Variants in ABCD3 observed in about 807,000 individuals in gnomAD.
ABCD3 encodes ATP binding cassette subfamily D member 3.
ABCD3 carries 41 observed loss-of-function variants against 105.5 expected under a neutral mutation model. That is an observed-to-expected ratio of 0.39 (90% CI 0.30 to 0.50). The LOEUF is 0.50. Ranked by LOEUF, ABCD3 falls within the 20% of genes least tolerant of loss-of-function variation. The pLI is 0.84. For synonymous variants in ABCD3, 258 were observed against 269.0 expected, an observed-to-expected ratio of 0.96 and a Z score of 0.40; for missense variants, 622 against 806.3, an observed-to-expected ratio of 0.77 and a Z score of 2.77.
intron 9 of ABCD3, 39 bp downstream of exon 9, chr1:94,480,645 T>C (rs1648986005): frequency 6.2e-7 from 1 of 1,609,688 alleles, no homozygotes; most frequent in Admixed American, 1.7e-5. Flanking sequence ...AAAAATTAAT[T>C]TCTATGGATA....
upstream of ABCD3, among the ~76,000 whole-genome samples, chr1:94,416,225 A>G (rs1325062758): frequency 1.3e-5 from 2 of 152,146 alleles, no homozygotes; most frequent in Non-Finnish European, 2.9e-5. Context: ...TTATTACTGA[A>G]TTAGTAATTT....
chr1:94,485,621 A>C (rs1649242502), intron 10 of ABCD3, among the ~76,000 whole-genome samples: 1 of 152,146 alleles, frequency 6.6e-6, no homozygotes, highest in Admixed American at 6.6e-5. Flanking sequence ...GTCTTCTCTG[A>C]TCAGCCTATT....
At chr1:94,402,627 T>C in the ABCD3 span, among the ~76,000 whole-genome samples, 1 of 152,180 alleles carries the variant, frequency 6.6e-6, no homozygotes, top group African/African-American at 2.4e-5. Context: ...GACCCAATAA[T>C]GTCCTCAACA....
chr1:94,448,895 G>A (rs1660461452), intron 1 of ABCD3, among the ~76,000 whole-genome samples: 1 of 152,168 alleles, frequency 6.6e-6, no homozygotes, highest in Admixed American at 6.5e-5. Flanking sequence ...GGATAAACAG[G>A]GACTACGGGA....
the ABCD3 span, among the ~76,000 whole-genome samples, chr1:94,386,718 G>GTATT: frequency 2.0e-5 from 3 of 152,314 alleles, no homozygotes; most frequent in African/African-American, 7.2e-5. Context: ...AGTCAGTTGA[G>GTATT]TATTTGATGA....
chr1:94,431,513 AGTT>A (rs1659680889), intron 1 of ABCD3, among the ~76,000 whole-genome samples: 1 of 152,220 alleles, frequency 6.6e-6, no homozygotes, highest in African/African-American at 2.4e-5. Context: ...TGAAATTTCT[AGTT>A]CAAAAAAAAC....
intron 19 of ABCD3, 73 bp from the exon 20 acceptor site, chr1:94,499,422 T>TA: frequency 6.8e-7 from 1 of 1,466,124 alleles, no homozygotes; most frequent in Non-Finnish European, 9.5e-7. Context: ...GATTCCAGTT[T>TA]AAAAAATAAA....
chr1:94,440,782 G>T (rs376784951), intron 1 of ABCD3, among the ~76,000 whole-genome samples: 37 of 152,268 alleles, frequency 2.4e-4, no homozygotes, highest in African/African-American at 8.9e-4. Context: ...TGTATGTGTT[G>T]TCCATGGGTT....
At chr1:94,404,731 T>C in the ABCD3 span, among the ~76,000 whole-genome samples, 2 of 151,976 alleles carry the variant, frequency 1.3e-5, no homozygotes, top group African/African-American at 4.8e-5. Context: ...AATAAATATA[T>C]GTATATATCT....
chr1:94,413,133 A>C, the ABCD3 span, among the ~76,000 whole-genome samples: 17 of 152,218 alleles, frequency 1.1e-4, no homozygotes, highest in Admixed American at 9.8e-4. Flanking sequence ...GGTCTTCCCC[A>C]TGCCAAGATT....
intron 21 of ABCD3, among the ~76,000 whole-genome samples, chr1:94,509,432 A>G (rs1177208817): frequency 1.3e-5 from 2 of 152,154 alleles, no homozygotes; most frequent in Non-Finnish European, 2.9e-5. Context: ...CATCAAGGAT[A>G]TTGGTCTAAA....
chr1:94,513,954 C>T (rs1020955645), intron 21 of ABCD3: 3 of 152,010 alleles, frequency 2.0e-5, no homozygotes, highest in Non-Finnish European at 2.9e-5. Flanking sequence ...ACTTATTACA[C>T]ATTAGAAGTT....
chr1:94,507,070 A>C (rs976135826), intron 21 of ABCD3, among the ~76,000 whole-genome samples: 1 of 152,072 alleles, frequency 6.6e-6, no homozygotes, highest in Non-Finnish European at 1.5e-5. Context: ...TACATGTGCC[A>C]TGCTGGTGCG....
At chr1:94,400,055 G>C in the ABCD3 span, among the ~76,000 whole-genome samples, 1 of 152,102 alleles carries the variant, frequency 6.6e-6, no homozygotes, top group African/African-American at 2.4e-5. Flanking sequence ...TTTTCTTATG[G>C]AAGTTCTTGT....
At chr1:94,409,890 T>A in the ABCD3 span, among the ~76,000 whole-genome samples, 1 of 152,050 alleles carries the variant, frequency 6.6e-6, no homozygotes, top group Non-Finnish European at 1.5e-5. Flanking sequence ...CATAGCTGGG[T>A]TCAAGGCAAC....
rs1440854818 is a variant in ABCD3 at position 94,480,561 on chromosome 1, A to G, written c.782A>G (p.Tyr261Cys). Residue 261 changes from tyrosine (Y) to cysteine (C), a missense_variant, in exon 9 of 23, where the codon TAT becomes TGT. Physicochemically the swap from Tyr to Cys is radical, Grantham distance 194. This residue lies in a region of ABCD3 where 245 missense variants were observed against 356.4 expected (regional missense o/e 0.69). Coordinates refer to ENST00000370214, the MANE Select transcript of ABCD3 (RefSeq NM_002858.4). ...AAGATGACAATAACTGAGCAAAAGT[A>G]TGAAGGAGAATATAGATATGTTAAT... ...IGKMTITEQK[Y>C]EGEYRYVNSR... is the part of the protein sequence containing the mutation. 14 of 1,613,756 alleles carry G rather than the reference A, an allele frequency of 8.7e-6. No homozygotes were observed. Among genetic ancestry groups the G allele is most frequent in the African/African-American group, 5.3e-5 (4 of 74,922 alleles).
intron 1 of ABCD3, among the ~76,000 whole-genome samples, chr1:94,432,291 ATTC>A (rs1659713529): frequency 6.6e-6 from 1 of 152,330 alleles, no homozygotes; most frequent in South Asian, 2.1e-4. Flanking sequence ...ACACAGTTTA[ATTC>A]TTCTGGTTGT....
chr1:94,498,887 TTTTG>T (rs1360371359), intron 18 of ABCD3, 39 bp downstream of exon 18: 1 of 1,608,598 alleles, frequency 6.2e-7, no homozygotes, highest in Non-Finnish European at 8.5e-7. Context: ...CTAAAGATCT[TTTTG>T]TTTATTTATT....
chr1:94,506,884 GAT>G (rs1301081619), intron 21 of ABCD3, among the ~76,000 whole-genome samples: 5 of 151,288 alleles, frequency 3.3e-5, no homozygotes, highest in Non-Finnish European at 7.4e-5. Context: ...ATATAAGTGA[GAT>G]ATAAAAGATA....
Sources: allele counts gnomAD v4.1 joint callset (sites outside exome capture counted in the v4.1 genomes callset), GRCh38; gene constraint gnomAD v4.1.1; regional missense constraint gnomAD v4.1.1; transcripts MANE v1.5; gene names NCBI Gene and HGNC (gene_info 2026-07-23, HGNC 2026-07-21).